The following SLCO2A1 variants were observed in gnomAD, a reference collection of about 807,000 sequenced individuals.
The protein encoded by SLCO2A1 is matrin F/G 1.
A neutral mutation model predicts 71.7 loss-of-function variants in SLCO2A1; 60 were observed. The observed-to-expected ratio is 0.84, with a 90% CI of 0.68 to 1.04. The LOEUF is 1.04. Among genes scored for constraint, SLCO2A1 ranks in the 50% least tolerant of loss-of-function variants. SLCO2A1 has a pLI of 0.00. For missense variants in SLCO2A1, 745 were observed against 813.4 expected (o/e 0.92, Z 1.02); for synonymous variants, 308 against 326.7 (o/e 0.94, Z 0.62).
rs369658719 is a variant in SLCO2A1 at position 133,973,650 on chromosome 3, G to A, written c.397+13C>T. ...TTCCTTACCCCTTGAGGCAGGGGTT[G>A]GAAGCCACTCACCAGTGCTGGCCAA... On this transcript the variant is annotated intron_variant, in intron 3 of 13. Coordinates refer to ENST00000310926, the MANE Select transcript of SLCO2A1 (RefSeq NM_005630.3). The A allele has an allele frequency of 1.3e-5, 21 of 1,613,076 alleles. No individual in the cohort carries two copies. Among genetic ancestry groups the A allele is most frequent in the Non-Finnish European group, 1.8e-5 (21 of 1,179,846 alleles).
At chr3:134,021,717 C>A (rs1403162670) in intron 1 of SLCO2A1, among the ~76,000 whole-genome samples, 3 of 150,434 alleles carry the variant, frequency 2.0e-5, no homozygotes, top group African/African-American at 7.4e-5. Context: ...GAGAGAGAGA[C>A]AAAGTCAAAG....
At chr3:134,024,527 T>C (rs1935658428) in intron 1 of SLCO2A1, among the ~76,000 whole-genome samples, 2 of 152,176 alleles carry the variant, frequency 1.3e-5, no homozygotes, top group Non-Finnish European at 1.5e-5. Context: ...TTACACTCTA[T>C]GTGTCAGAAA....
intron 3 of SLCO2A1, among the ~76,000 whole-genome samples, chr3:133,972,838 T>C (rs1934357476): frequency 6.6e-6 from 1 of 152,112 alleles, no homozygotes; most frequent in Non-Finnish European, 1.5e-5. Context: ...TTCTTACTCA[T>C]AGGCCTACTG....
intron 2 of SLCO2A1, among the ~76,000 whole-genome samples, chr3:133,979,065 G>A (rs1934523783): frequency 6.6e-6 from 1 of 152,174 alleles, no homozygotes. Context: ...TCTAGACTAT[G>A]TATGGGGCAG....
chr3:134,029,473 A>AACACACACACACACACACAC (rs146731617), intron 1 of SLCO2A1, among the ~76,000 whole-genome samples: 1 of 149,890 alleles, frequency 6.7e-6, no homozygotes, highest in African/African-American at 2.5e-5. Context: ...AAGGCGTGTG[A>AACACACACACACACACACAC]ACACACACAC....
intron 11 of SLCO2A1, among the ~76,000 whole-genome samples, chr3:133,941,423 T>A (rs896817669): frequency 6.6e-6 from 1 of 152,130 alleles, no homozygotes; most frequent in Non-Finnish European, 1.5e-5. Flanking sequence ...TGAGGCTCAA[T>A]GAGGTTAGGC....
chr3:134,007,247 A>T (rs2108072881), intron 1 of SLCO2A1, among the ~76,000 whole-genome samples: 1 of 152,280 alleles, frequency 6.6e-6, no homozygotes, highest in East Asian at 1.9e-4. Context: ...ATTTGCAGAC[A>T]TTTTCTCCCA....
At chr3:134,011,565 A>C (rs559348613) in intron 1 of SLCO2A1, among the ~76,000 whole-genome samples, 1 of 152,332 alleles carries the variant, frequency 6.6e-6, no homozygotes, top group East Asian at 1.9e-4. Flanking sequence ...GAGGTGGAGT[A>C]GTTGCCATAT....
At chr3:134,006,621 A>C (rs1935221827) in intron 1 of SLCO2A1, among the ~76,000 whole-genome samples, 1 of 152,138 alleles carries the variant, frequency 6.6e-6, no homozygotes, top group African/African-American at 2.4e-5. Context: ...AATGTCATCA[A>C]GTTTCATCTG....
At chr3:133,981,688 A>G (rs1934595665) in intron 1 of SLCO2A1, among the ~76,000 whole-genome samples, 1 of 152,206 alleles carries the variant, frequency 6.6e-6, no homozygotes, top group African/African-American at 2.4e-5. Context: ...TAGAAAAAGA[A>G]AAGCAAGGCT....
intron 1 of SLCO2A1, among the ~76,000 whole-genome samples, chr3:133,990,524 C>T (rs932074655): frequency 6.6e-6 from 1 of 152,136 alleles, no homozygotes; most frequent in African/African-American, 2.4e-5. Flanking sequence ...CCGAACCCTT[C>T]CTCTCCTCCC....
At chr3:134,002,785 C>T (rs933460604) in intron 1 of SLCO2A1, among the ~76,000 whole-genome samples, 5 of 152,258 alleles carry the variant, frequency 3.3e-5, no homozygotes, top group Middle Eastern at 3.4e-3. Flanking sequence ...CACCTTAGAC[C>T]CAAGTAGGTC....
chr3:134,029,473 A>AACACACACACACACACAC (rs146731617), intron 1 of SLCO2A1, among the ~76,000 whole-genome samples: 2 of 149,890 alleles, frequency 1.3e-5, no homozygotes, highest in Admixed American at 6.6e-5. Context: ...AAGGCGTGTG[A>AACACACACACACACACAC]ACACACACAC....
intron 12 of SLCO2A1, 117 bp from the exon 13 acceptor site, chr3:133,936,014 C>T: frequency 9.5e-7 from 1 of 1,053,910 alleles, no homozygotes; most frequent in African/African-American, 1.6e-5. Context: ...CTCTGCCGTA[C>T]CCATAGGACT....
intron 12 of SLCO2A1, among the ~76,000 whole-genome samples, chr3:133,936,333 C>T (rs192967337): frequency 6.6e-6 from 1 of 152,292 alleles, no homozygotes; most frequent in East Asian, 1.9e-4. Flanking sequence ...GACACTGTAA[C>T]ACAGCCAAGA....
At chr3:134,005,671 CAG>C (rs1935199281) in intron 1 of SLCO2A1, among the ~76,000 whole-genome samples, 1 of 151,850 alleles carries the variant, frequency 6.6e-6, no homozygotes, top group Non-Finnish European at 1.5e-5. Context: ...TTAGTAGAGA[CAG>C]GGTTTCACCA....
intron 2 of SLCO2A1, among the ~76,000 whole-genome samples, chr3:133,977,265 T>C (rs962151735): frequency 3.4e-4 from 52 of 152,230 alleles, no homozygotes; most frequent in Non-Finnish European, 2.9e-5. Context: ...GAATTCAGAT[T>C]CTTGAAAAGT....
rs374619448 is a variant in SLCO2A1 at position 133,960,213 on chromosome 3, C to T, written c.398-5020G>A. Among the ~76,000 whole-genome samples, 18 of 151,998 alleles carry T rather than the reference C, an allele frequency of 1.2e-4. No homozygotes were observed. In the South Asian group the frequency reaches 3.8e-3, roughly 32 times the overall value. On this transcript the variant is annotated intron_variant, in intron 3 of 13. Transcript: ENST00000310926. Reference sequence around the variant, plus strand: ...GGCAATTCCACTTCTGAGTATATACCCCCAAAAATTGAAAGCAAGGACTTA... The same window carrying T: ...GGCAATTCCACTTCTGAGTATATACTCCCAAAAATTGAAAGCAAGGACTTA...
intron 12 of SLCO2A1, among the ~76,000 whole-genome samples, chr3:133,937,707 A>G (rs928111857): frequency 6.6e-6 from 1 of 152,194 alleles, no homozygotes; most frequent in Non-Finnish European, 1.5e-5. Context: ...CCTCAGTTCA[A>G]TTAGGTCCCT....
Sources: gnomAD v4.1 joint callset for allele counts (sites outside exome capture counted in the v4.1 genomes callset) on GRCh38, gnomAD v4.1.1 for gene constraint, MANE v1.5 for transcripts, NCBI Gene and HGNC (gene_info 2026-07-23, HGNC 2026-07-21) for gene names.